The following KANK1 variants were observed in gnomAD, a reference collection of about 807,000 sequenced individuals.
KANK1 encodes the protein KN motif and ankyrin repeat domain-containing protein 1.
Under a neutral mutation model 106.2 loss-of-function variants are expected in KANK1, and 109 were observed. That is an observed-to-expected ratio of 1.03 (90% confidence interval 0.88 to 1.20). The LOEUF (loss-of-function observed/expected upper bound fraction) is 1.20, where lower values mean the gene tolerates loss of function less well. Ranked by LOEUF, KANK1 falls within the 50% of genes most tolerant of loss-of-function variation. KANK1 has a pLI of 0.00. For synonymous variants in KANK1, 873 were observed against 652.2 expected (o/e 1.34, Z -5.16); for missense variants, 2,399 against 1,710.7 (o/e 1.40, Z -7.10).
intron 1 of KANK1, among the ~76,000 whole-genome samples, chr9:564,936 C>A (rs1399029143): frequency 6.6e-6 from 1 of 152,182 alleles, no homozygotes; most frequent in African/African-American, 2.4e-5. Context: ...AGACACTTGG[C>A]ACAGACATGG....
intron 3 of KANK1, among the ~76,000 whole-genome samples, chr9:493,934 G>C (rs1455609353): frequency 2.0e-5 from 3 of 151,694 alleles, no homozygotes; most frequent in Non-Finnish European, 4.4e-5. Flanking sequence ...CCAGGCTGGA[G>C]TGCAATGGTG....
intron 1 of KANK1, among the ~76,000 whole-genome samples, chr9:581,800 T>G (rs1822225982): frequency 6.6e-6 from 1 of 152,112 alleles, no homozygotes; most frequent in South Asian, 2.1e-4. Flanking sequence ...CCCTACTGCT[T>G]CTGGGCTGCA....
intron 1 of KANK1, among the ~76,000 whole-genome samples, chr9:541,544 C>T (rs574432911): frequency 6.6e-6 from 1 of 152,174 alleles, no homozygotes; most frequent in South Asian, 2.1e-4. Flanking sequence ...GAAAAAGCTT[C>T]TTGACATTAG....
At chr9:505,513 G>T (rs367970817) in intron 1 of KANK1, among the ~76,000 whole-genome samples, 1 of 152,230 alleles carries the variant, frequency 6.6e-6, no homozygotes, top group South Asian at 2.1e-4. Context: ...TGGGCAACAC[G>T]CAGTGGCGCT....
chr9:680,643 C>T (rs190248879), intron 2 of KANK1, among the ~76,000 whole-genome samples: 4 of 152,242 alleles, frequency 2.6e-5, no homozygotes, highest in Non-Finnish European at 4.4e-5. Context: ...AATTTCTGCC[C>T]TCAAGGATTG....
intron 1 of KANK1, among the ~76,000 whole-genome samples, chr9:534,880 C>T (rs1421842167): frequency 1.3e-5 from 2 of 152,186 alleles, no homozygotes; most frequent in Non-Finnish European, 2.9e-5. Context: ...AACAATTAGT[C>T]TTTTAATTTG....
At chr9:542,113 C>T (rs999421012) in intron 1 of KANK1, among the ~76,000 whole-genome samples, 1 of 152,042 alleles carries the variant, frequency 6.6e-6, no homozygotes, top group Non-Finnish European at 1.5e-5. Flanking sequence ...AACAGAGGAC[C>T]TTAATAGAAA....
chr9:564,550 C>A (rs771321184), intron 1 of KANK1, among the ~76,000 whole-genome samples: 1 of 152,134 alleles, frequency 6.6e-6, no homozygotes, highest in African/African-American at 2.4e-5. Flanking sequence ...TACATAGTTG[C>A]AATGTTGAGA....
chr9:726,596 A>G (rs1250412731), intron 3 of KANK1, among the ~76,000 whole-genome samples: 1 of 149,606 alleles, frequency 6.7e-6, no homozygotes, highest in Non-Finnish European at 1.5e-5. Flanking sequence ...CCAAGATCGC[A>G]CCACTGCACT....
rs1310292897 is a variant in KANK1 at position 732,567 on chromosome 9, T to G, written c.3195T>G (p.Asp1065Glu). The change falls in exon 6 of 12, where the codon GAT becomes GAG. Residue 1065 changes from aspartate (D) to glutamate (E), a missense_variant. By Grantham distance (45) the Asp-to-Glu change is conservative. Coordinates refer to ENST00000382297, the MANE Select transcript of KANK1 (RefSeq NM_015158.5). ...IEGLKSARVE[D>E]EMQVQECEPE... ...GTTTGAAGTCTGCCAGGGTGGAAGATGAAATGCAGGTTCAAGAATGTGAAC... is the reference window on the plus strand; with the variant it reads ...GTTTGAAGTCTGCCAGGGTGGAAGAGGAAATGCAGGTTCAAGAATGTGAAC... 7 of 1,613,944 alleles carry G rather than the reference T, an allele frequency of 4.3e-6. No homozygotes were observed. The highest frequency in any genetic ancestry group is 5.1e-6 in the Non-Finnish European group (6 of 1,180,018).
At chr9:474,327 G>T (rs1318334440) in intron 3 of KANK1, among the ~76,000 whole-genome samples, 2 of 152,186 alleles carry the variant, frequency 1.3e-5, no homozygotes, top group African/African-American at 4.8e-5. Flanking sequence ...ACAAGCTCAG[G>T]GGTCAAAGAT....
At chr9:644,698 C>G (rs1390114121) in intron 1 of KANK1, among the ~76,000 whole-genome samples, 1 of 150,954 alleles carries the variant, frequency 6.6e-6, no homozygotes, top group Admixed American at 6.6e-5. Context: ...CTAGGCCCCA[C>G]CTTCAACACT....
At chr9:657,524 T>C (rs1331799882) in intron 1 of KANK1, among the ~76,000 whole-genome samples, 1 of 152,182 alleles carries the variant, frequency 6.6e-6, no homozygotes, top group African/African-American at 2.4e-5. Flanking sequence ...CCAGTTTCTC[T>C]ACATGCTACC....
At chr9:609,117 A>G (rs1190222543) in intron 1 of KANK1, among the ~76,000 whole-genome samples, 1 of 138,060 alleles carries the variant, frequency 7.2e-6, no homozygotes, top group Non-Finnish European at 1.5e-5. Context: ...AAGCTGGCTG[A>G]AAAAAAAAAA....
chr9:602,232 T>C (rs1308454927), intron 1 of KANK1, among the ~76,000 whole-genome samples: 1 of 151,842 alleles, frequency 6.6e-6, no homozygotes, highest in Admixed American at 6.6e-5. Flanking sequence ...CTGACTCTCA[T>C]TTTTAGCCCA....
At position 711,843 on chromosome 9, in the gene KANK1, G is replaced by T; in HGVS notation, c.1077G>T (p.Gln359His). Reference protein sequence around the residue: ...YEEEEMETVEQSTQRIKEFRQ... With the variant: ...YEEEEMETVEHSTQRIKEFRQ... Reference sequence around the variant, plus strand: ...AGGAAGAAATGGAGACCGTAGAACAGAGCACGCAGAGGATAAAGGAGTTCC... The same window carrying T: ...AGGAAGAAATGGAGACCGTAGAACATAGCACGCAGAGGATAAAGGAGTTCC... Residue 359 changes from glutamine to histidine, a missense_variant, in exon 3 of 12, where the codon CAG becomes CAT. Gln to His is a conservative substitution (Grantham distance 24). Transcript: ENST00000382297. 6.2e-7 allele frequency: 1 copy of T among 1,614,176 alleles called. No homozygotes were observed. Among genetic ancestry groups the T allele is most frequent in the Non-Finnish European group, 8.5e-7 (1 of 1,180,030 alleles).
chr9:709,973 C>G (rs958909451), intron 2 of KANK1, among the ~76,000 whole-genome samples: 1 of 152,090 alleles, frequency 6.6e-6, no homozygotes, highest in Non-Finnish European at 1.5e-5. Flanking sequence ...TTACTATGTG[C>G]TTGTCTCTTA....
At chr9:727,911 G>T (rs1329584989) in intron 3 of KANK1, among the ~76,000 whole-genome samples, 1 of 152,130 alleles carries the variant, frequency 6.6e-6, no homozygotes, top group Non-Finnish European at 1.5e-5. Flanking sequence ...CTGTCAGCCA[G>T]GGGATTCCAT....
At chr9:720,906 T>TA (rs1829140816) in intron 3 of KANK1, among the ~76,000 whole-genome samples, 1 of 152,218 alleles carries the variant, frequency 6.6e-6, no homozygotes, top group Non-Finnish European at 1.5e-5. Flanking sequence ...CAGCAGTTCC[T>TA]AAAAATTCAC....
Sources: allele counts gnomAD v4.1 joint callset (sites outside exome capture counted in the v4.1 genomes callset), GRCh38; gene constraint gnomAD v4.1.1; transcripts MANE v1.5; gene names NCBI Gene and HGNC (gene_info 2026-07-23, HGNC 2026-07-21).